The following LZTFL1 variants were observed in gnomAD, a reference collection of about 807,000 sequenced individuals.
LZTFL1 encodes leucine zipper transcription factor like 1.
LZTFL1 carries 25 observed loss-of-function variants against 45.9 expected under a neutral mutation model. That is an observed-to-expected ratio of 0.54 (90% CI 0.40 to 0.76). The LOEUF (loss-of-function observed/expected upper bound fraction) is 0.76. LZTFL1 is among the 30% of genes least tolerant of loss of function. The pLI, the probability that LZTFL1 is intolerant of heterozygous loss-of-function variation, is 0.00. For synonymous variants in LZTFL1, 93 were observed against 117.4 expected (o/e 0.79, Z 1.35); for missense variants, 277 against 331.1 (o/e 0.84, Z 1.27).
chr3:45,895,214 A>G, intron 2 of LZTFL1: 1 of 532,730 alleles, frequency 1.9e-6, no homozygotes, highest in Non-Finnish European at 3.3e-6. Context: ...AGGATTTTTA[A>G]CCATCTTTAA....
At chr3:45,910,520 C>T (rs1463528836) in intron 2 of LZTFL1, among the ~76,000 whole-genome samples, 1 of 152,074 alleles carries the variant, frequency 6.6e-6, no homozygotes, top group Non-Finnish European at 1.5e-5. Context: ...AGGCTGGCAG[C>T]GACCTGGCTA....
chr3:45,871,444 T>C (rs1159438217), intron 2 of LZTFL1, among the ~76,000 whole-genome samples: 1 of 152,228 alleles, frequency 6.6e-6, no homozygotes, highest in African/African-American at 2.4e-5. Context: ...ACTAGCTAGA[T>C]AGAGCACCTT....
chr3:45,915,540 T>C (rs961817060), exon 1 of LZTFL1: 11 of 456,472 alleles, frequency 2.4e-5, no homozygotes, highest in African/African-American at 2.0e-4. Context: ...TTTTCTGTGA[T>C]GATTCTATGG....
At chr3:45,892,240 G>A (rs1482138599) in intron 2 of LZTFL1, among the ~76,000 whole-genome samples, 1 of 151,882 alleles carries the variant, frequency 6.6e-6, no homozygotes, top group Non-Finnish European at 1.5e-5. Flanking sequence ...AAAACATATG[G>A]GTATAAAGAC....
chr3:45,824,943 C>G lies in LZTFL1; in HGVS notation c.*1371G>C, dbSNP rs987095846. 1 of 398,256 alleles carries G rather than the reference C, an allele frequency of 2.5e-6. No individual in the cohort carries two copies. The highest frequency in any genetic ancestry group is 4.4e-6 in the Non-Finnish European group (1 of 225,896). 24.7% of individuals were successfully genotyped at this position (398,256 alleles called of 1,614,324 possible). A position where few individuals can be genotyped will look rare whatever the true frequency, so the allele number is the denominator to read the frequency against. ...GTTATTGCATTTTATTCTCTCCCTT[C>G]TCTCATCCATTCATCTTCTTAAGAC... On this transcript the variant is annotated 3_prime_UTR_variant, in exon 10 of 10. Transcript: ENST00000296135.
At chr3:45,853,756 T>G (rs1701342971) in intron 4 of LZTFL1, among the ~76,000 whole-genome samples, 1 of 152,182 alleles carries the variant, frequency 6.6e-6, no homozygotes, top group Non-Finnish European at 1.5e-5. Context: ...CTCCTCCACA[T>G]TAAAAAAGAA....
At position 45,906,175 on chromosome 3, in the gene LZTFL1, TGGTTGGG is replaced by T. The variant is rs1210699475; in HGVS notation, c.-215+6938_-215+6944del. Among the ~76,000 whole-genome samples, 14 of 152,202 alleles carry T rather than the reference TGGTTGGG, an allele frequency of 9.2e-5. No individual in the cohort carries two copies. The East Asian group carries it at 2.7e-3, about 29-fold the overall frequency. On this transcript the variant is annotated intron_variant, in intron 2 of 4. Coordinates refer to the LZTFL1 transcript ENST00000472635. ...CTGGGTATGCAGGAGATCCATAGTG[TGGTTGGG>T]CGCCAGTCACAGAACTCCTCTGAGA...
chr3:45,865,936 AATCGAATAC>A (rs1323649959), intron 2 of LZTFL1, among the ~76,000 whole-genome samples: 35 of 152,262 alleles, frequency 2.3e-4, no homozygotes, highest in African/African-American at 8.2e-4. Flanking sequence ...TAGGCCATGT[AATCGAATAC>A]TATTCCACAA....
At chr3:45,847,221 C>G (rs1042358760) in intron 4 of LZTFL1, among the ~76,000 whole-genome samples, 8 of 152,164 alleles carry the variant, frequency 5.3e-5, no homozygotes, top group Non-Finnish European at 8.8e-5. Context: ...TTCATGGTTT[C>G]CTTGTTTGGC....
chr3:45,824,752 C>A lies in LZTFL1; in HGVS notation c.*1562G>T. On this transcript the variant is annotated 3_prime_UTR_variant, in exon 10 of 10. Transcript: ENST00000296135. ...TCTGAATTACATAGAACATCTTGGT[C>A]CACAGACAATGGAATGGATTTTTGG... The A allele has an allele frequency of 2.5e-6, 1 of 398,034 alleles. No individual in the cohort carries two copies. The highest frequency in any genetic ancestry group is 1.3e-4 in the South Asian group (1 of 7,832). 24.7% of individuals were successfully genotyped at this position (398,034 alleles called of 1,614,324 possible).
chr3:45,864,154 G>A (rs180893933), intron 2 of LZTFL1, among the ~76,000 whole-genome samples: 32 of 152,300 alleles, frequency 2.1e-4, no homozygotes, highest in Admixed American at 2.0e-3. Context: ...TCAGAGACTA[G>A]CAGGTAATGT....
At position 45,828,609 on chromosome 3, in the gene LZTFL1, T is replaced by C; in HGVS notation, c.607A>G (p.Ile203Val). 1 of 1,604,196 alleles carries C rather than the reference T, an allele frequency of 6.2e-7. No individual in the cohort carries two copies. The highest frequency in any genetic ancestry group is 8.5e-7 in the Non-Finnish European group (1 of 1,176,648). The part of the protein sequence containing the change: ...QLDQGNQKDF[I>V]KAQDLSNLEN... ...AAGTTACTTAAGTCTTGGGCCTTTA[T>C]AAAATCCTATGAAAAATAAATGCAT... Residue 203 changes from isoleucine (I) to valine (V), a missense_variant, in exon 8 of 10, where the codon ATA becomes GTA. Coordinates refer to ENST00000296135, the MANE Select transcript of LZTFL1 (RefSeq NM_020347.4).
At chr3:45,911,668 G>C (rs1315455676) in intron 2 of LZTFL1, among the ~76,000 whole-genome samples, 1 of 152,242 alleles carries the variant, frequency 6.6e-6, no homozygotes, top group African/African-American at 2.4e-5. Flanking sequence ...CCAGCCCCTA[G>C]GCAGGGGAAG....
chr3:45,835,746 T>A lies in LZTFL1; in HGVS notation c.167A>T (p.Glu56Val), dbSNP rs1287081881. 6.2e-7 allele frequency: 1 copy of A among 1,613,920 alleles called. No individual in the cohort carries two copies. The highest frequency in any genetic ancestry group is 8.5e-7 in the Non-Finnish European group (1 of 1,179,950). Reference sequence around the variant, plus strand: ...CACAGCTTGTAATCCATTGAGGACTTCAGAGACTTCATCTATGGTGAAGGT... The same window carrying A: ...CACAGCTTGTAATCCATTGAGGACTACAGAGACTTCATCTATGGTGAAGGT... ...EDTFTIDEVS[E>V]VLNGLQAVVH... The change falls in exon 3 of 10, where the codon GAA becomes GTA. Residue 56 changes from glutamate (E) to valine (V), a missense_variant. Physicochemically the swap from Glu to Val is moderately radical, Grantham distance 121. Transcript: ENST00000296135.
chr3:45,910,978 G>A (rs1399874355), intron 2 of LZTFL1, among the ~76,000 whole-genome samples: 9 of 152,202 alleles, frequency 5.9e-5, no homozygotes, highest in African/African-American at 1.9e-4. Context: ...AGGGCCAGTA[G>A]TTGATGCTGG....
At chr3:45,841,183 C>G (rs533106658) in intron 1 of LZTFL1, among the ~76,000 whole-genome samples, 1 of 152,338 alleles carries the variant, frequency 6.6e-6, no homozygotes, top group South Asian at 2.1e-4. Context: ...GTCTTCTCAG[C>G]TCCCAGACAG....
chr3:45,858,675 C>T (rs531571634), intron 3 of LZTFL1, among the ~76,000 whole-genome samples: 1 of 152,096 alleles, frequency 6.6e-6, no homozygotes, highest in South Asian at 2.1e-4. Flanking sequence ...TTTGAAAGTG[C>T]CTTTGTTTAG....
upstream of LZTFL1, among the ~76,000 whole-genome samples, chr3:45,844,967 T>G (rs1701194433): frequency 6.6e-6 from 1 of 152,220 alleles, no homozygotes; most frequent in Non-Finnish European, 1.5e-5. Context: ...TTAGTTTCAC[T>G]GATAATCTCA....
chr3:45,888,973 C>T (rs1323757797), intron 2 of LZTFL1, among the ~76,000 whole-genome samples: 1 of 152,136 alleles, frequency 6.6e-6, no homozygotes, highest in Non-Finnish European at 1.5e-5. Context: ...TAATATATTA[C>T]ATGATATATA....
Sources: gnomAD v4.1 joint callset for allele counts (sites outside exome capture counted in the v4.1 genomes callset) on GRCh38, gnomAD v4.1.1 for gene constraint, MANE v1.5 for transcripts, NCBI Gene and HGNC (gene_info 2026-07-23, HGNC 2026-07-21) for gene names.